PLCXD3: variants seen among roughly 807,000 people sequenced by gnomAD.
PLCXD3 encodes the protein phosphatidylinositol specific phospholipase C X domain containing 3.
PLCXD3 carries 19 observed loss-of-function variants against 25.5 expected under a neutral mutation model. The ratio of observed to expected loss-of-function variants is 0.75; its 90% confidence interval spans 0.52 to 1.09. The LOEUF (loss-of-function observed/expected upper bound fraction) is 1.09. Ranked by LOEUF, PLCXD3 falls within the 50% of genes least tolerant of loss-of-function variation. PLCXD3 has a pLI of 0.00. For missense variants in PLCXD3, 411 were observed against 388.1 expected, an observed-to-expected ratio of 1.06 and a Z score of -0.50; for synonymous variants, 174 against 137.6, an observed-to-expected ratio of 1.26 and a Z score of -1.85.
At chr5:41,456,560 G>T in intron 1 of PLCXD3, 1 of 944,770 alleles carries the variant, frequency 1.1e-6, no homozygotes, top group Non-Finnish European at 1.3e-6. Context: ...TTTTATTAAT[G>T]CTGGAAAGTA....
At chr5:41,500,571 C>G (rs1467614162) in intron 1 of PLCXD3, among the ~76,000 whole-genome samples, 2 of 151,730 alleles carry the variant, frequency 1.3e-5, no homozygotes, top group African/African-American at 4.8e-5. Flanking sequence ...TATGCACACA[C>G]ACACACACAA....
intron 1 of PLCXD3, among the ~76,000 whole-genome samples, chr5:41,461,677 G>A (rs1237529941): frequency 2.6e-5 from 4 of 151,852 alleles, no homozygotes; most frequent in Non-Finnish European, 4.4e-5. Flanking sequence ...AGAAAGGGGT[G>A]GTAACACCAT....
intron 2 of PLCXD3, among the ~76,000 whole-genome samples, chr5:41,330,291 A>G (rs1030671879): frequency 1.4e-4 from 22 of 152,182 alleles, no homozygotes; most frequent in African/African-American, 4.8e-4. Context: ...AGAAATACAA[A>G]CTACCATCAG....
chr5:41,457,878 A>G (rs1580383003), intron 1 of PLCXD3, among the ~76,000 whole-genome samples: 1 of 151,986 alleles, frequency 6.6e-6, no homozygotes, highest in South Asian at 2.1e-4. Flanking sequence ...TCTCCACAAA[A>G]ATGATGTCCT....
chr5:41,398,564 T>C (rs1014318932), intron 1 of PLCXD3, among the ~76,000 whole-genome samples: 3 of 152,142 alleles, frequency 2.0e-5, no homozygotes, highest in Admixed American at 6.5e-5. Context: ...AGATGAAGTA[T>C]AGTTCAACAT....
intron 2 of PLCXD3, among the ~76,000 whole-genome samples, chr5:41,357,090 A>G (rs1417623257): frequency 1.3e-5 from 2 of 152,222 alleles, no homozygotes; most frequent in African/African-American, 4.8e-5. Flanking sequence ...GCTTACTTGC[A>G]ACAGAATCTG....
chr5:41,377,314 AT>A (rs969095232), intron 2 of PLCXD3, among the ~76,000 whole-genome samples: 31 of 151,562 alleles, frequency 2.0e-4, no homozygotes, highest in African/African-American at 7.5e-4. Context: ...AATAACAGTT[AT>A]TATTATTATT....
intron 1 of PLCXD3, among the ~76,000 whole-genome samples, chr5:41,421,213 TTC>T (rs1202382070): frequency 6.6e-6 from 1 of 152,246 alleles, no homozygotes; most frequent in Non-Finnish European, 1.5e-5. Context: ...TGAGTCATAT[TTC>T]TGTTTGTGCA....
chr5:41,480,317 T>C (rs1580394165), intron 1 of PLCXD3, among the ~76,000 whole-genome samples: 1 of 151,966 alleles, frequency 6.6e-6, no homozygotes, highest in Non-Finnish European at 1.5e-5. Flanking sequence ...GACACAGCAA[T>C]GTCCTTTTGA....
At chr5:41,493,813 G>A (rs1235371722) in intron 1 of PLCXD3, among the ~76,000 whole-genome samples, 2 of 152,196 alleles carry the variant, frequency 1.3e-5, no homozygotes, top group African/African-American at 4.8e-5. Flanking sequence ...GGGTGGGAGT[G>A]ACCCGATTTT....
At chr5:41,351,857 A>G (rs1339308100) in intron 2 of PLCXD3, among the ~76,000 whole-genome samples, 1 of 152,208 alleles carries the variant, frequency 6.6e-6, no homozygotes, top group Non-Finnish European at 1.5e-5. Flanking sequence ...TTATTTTTCA[A>G]TTAATTAATA....
intron 1 of PLCXD3, among the ~76,000 whole-genome samples, chr5:41,467,607 A>G (rs11746598): frequency 0.13 from 20,111 of 152,074 alleles, 1,470 homozygotes; most frequent in Middle Eastern, 0.19. Flanking sequence ...TTTTGGGGTC[A>G]TATTTAAAAA....
chr5:41,407,292 C>A (rs1335285982), intron 1 of PLCXD3, among the ~76,000 whole-genome samples: 1 of 152,024 alleles, frequency 6.6e-6, no homozygotes, highest in Non-Finnish European at 1.5e-5. Context: ...AGATAAAATA[C>A]ACAGATTATG....
At chr5:41,482,099 T>C (rs1456653064) in intron 1 of PLCXD3, among the ~76,000 whole-genome samples, 1 of 152,094 alleles carries the variant, frequency 6.6e-6, no homozygotes. Flanking sequence ...AACTCAGATA[T>C]GTCAGTAAAA....
At chr5:41,499,763 A>C (rs1748915904) in intron 1 of PLCXD3, among the ~76,000 whole-genome samples, 1 of 151,868 alleles carries the variant, frequency 6.6e-6, no homozygotes, top group Admixed American at 6.6e-5. Flanking sequence ...AGTAATCAAA[A>C]CAGTATAGTT....
chr5:41,325,341 A>C (rs1196653683), intron 2 of PLCXD3, among the ~76,000 whole-genome samples: 1 of 152,230 alleles, frequency 6.6e-6, no homozygotes, highest in East Asian at 1.9e-4. Flanking sequence ...AGACAGTCTC[A>C]AGTAGAATTA....
At chr5:41,453,160 C>T (rs1747675112) in intron 1 of PLCXD3, among the ~76,000 whole-genome samples, 1 of 151,952 alleles carries the variant, frequency 6.6e-6, no homozygotes, top group African/African-American at 2.4e-5. Flanking sequence ...TCCCCAATCC[C>T]ACCCAATCTC....
chr5:41,489,111 G>T lies in PLCXD3; in HGVS notation c.103+21313C>A, dbSNP rs866673056. Among the ~76,000 whole-genome samples, 18 of 152,238 alleles carry T rather than the reference G, an allele frequency of 1.2e-4. No homozygotes were observed. In the South Asian group the frequency reaches 3.5e-3, roughly 30 times the overall value. On this transcript the variant is annotated intron_variant, in intron 1 of 2. Transcript: ENST00000377801. ...CACCTTGAATTGATTTTTGTATAAGGTGTAAGGAAGGGATCCAGTTTCAGC... is the reference window on the plus strand; with the variant it reads ...CACCTTGAATTGATTTTTGTATAAGTTGTAAGGAAGGGATCCAGTTTCAGC...
At position 41,333,731 on chromosome 5, in the gene PLCXD3, C is replaced by T. The variant is rs990699228; in HGVS notation, c.813-19961G>A. 1.2e-4 allele frequency among the ~76,000 whole-genome samples: 19 copies of T among 152,074 alleles called. 1 individual carries two copies. Among genetic ancestry groups the T allele is most frequent in the East Asian group, 3.8e-4 (2 of 5,196 alleles). ...AAGCAAGTCTTGAGCTTTTAGGTGA[C>T]CTGGGATTTCCTGAATAGGGCTAAA... On this transcript the variant is annotated intron_variant, in intron 2 of 2. Transcript: ENST00000377801.
Sources: allele counts gnomAD v4.1 joint callset (sites outside exome capture counted in the v4.1 genomes callset), GRCh38; gene constraint gnomAD v4.1.1; transcripts MANE v1.5; gene names NCBI Gene and HGNC (gene_info 2026-07-23, HGNC 2026-07-21).